PLGRKT: variants seen among roughly 807,000 people sequenced by gnomAD.
The protein encoded by PLGRKT is plasminogen receptor (KT).
A neutral mutation model predicts 18.5 loss-of-function variants in PLGRKT; 22 were observed. The observed-to-expected ratio is 1.19, with a 90% confidence interval of 0.85 to 1.70. PLGRKT has a LOEUF of 1.70. Among genes scored for constraint, PLGRKT ranks in the 40% most tolerant of loss-of-function variants. The pLI is 0.00. For missense variants in PLGRKT, 235 were observed against 174.4 expected, an observed-to-expected ratio of 1.35 and a Z score of -1.96; for synonymous variants, 72 against 52.8, an observed-to-expected ratio of 1.36 and a Z score of -1.58.
chr9:5,438,309 C>T (rs1819002396), upstream of PLGRKT, among the ~76,000 whole-genome samples: 1 of 152,152 alleles, frequency 6.6e-6, no homozygotes, highest in Admixed American at 6.5e-5. Flanking sequence ...TTGAATAAGC[C>T]ACGTCTCTCT....
intron 3 of PLGRKT, among the ~76,000 whole-genome samples, chr9:5,412,851 G>T (rs1158335051): frequency 6.6e-6 from 1 of 151,808 alleles, no homozygotes; most frequent in Admixed American, 6.6e-5. Flanking sequence ...AAAATATTAG[G>T]AAGATATATC....
At chr9:5,375,555 G>T (rs1817611879) in intron 3 of PLGRKT, among the ~76,000 whole-genome samples, 1 of 152,120 alleles carries the variant, frequency 6.6e-6, no homozygotes, top group African/African-American at 2.4e-5. Flanking sequence ...GAGAGGCAAA[G>T]ATGTTTTCAA....
intron 3 of PLGRKT, among the ~76,000 whole-genome samples, chr9:5,427,467 TAAG>T (rs545631434): frequency 1.0e-3 from 155 of 152,362 alleles, no homozygotes; most frequent in African/African-American, 3.5e-3. Context: ...TACGATATTT[TAAG>T]AAGGAGAGAA....
intron 3 of PLGRKT, among the ~76,000 whole-genome samples, chr9:5,404,034 T>G (rs112676637): frequency 1.3e-5 from 2 of 152,074 alleles, no homozygotes; most frequent in African/African-American, 4.8e-5. Flanking sequence ...CTAGAAGAAA[T>G]GGGTACATTC....
At chr9:5,387,173 T>C (rs148942135) in intron 3 of PLGRKT, among the ~76,000 whole-genome samples, 1 of 151,986 alleles carries the variant, frequency 6.6e-6, no homozygotes, top group Non-Finnish European at 1.5e-5. Flanking sequence ...AAATGGACCA[T>C]ATTAGAGTAC....
intron 3 of PLGRKT, among the ~76,000 whole-genome samples, chr9:5,384,912 T>C (rs1218837139): frequency 6.6e-6 from 1 of 152,162 alleles, no homozygotes; most frequent in Non-Finnish European, 1.5e-5. Flanking sequence ...ATAATAATTT[T>C]GATATGTGAA....
intron 3 of PLGRKT, among the ~76,000 whole-genome samples, chr9:5,400,716 A>AGGCT (rs1818138327): frequency 6.6e-6 from 1 of 152,018 alleles, no homozygotes; most frequent in Admixed American, 6.5e-5. Flanking sequence ...AATAGTACAG[A>AGGCT]GGCTGGCATA....
At chr9:5,361,423 G>A (rs532351754) in intron 4 of PLGRKT, among the ~76,000 whole-genome samples, 1 of 152,246 alleles carries the variant, frequency 6.6e-6, no homozygotes, top group South Asian at 2.1e-4. Flanking sequence ...TGACTCTGAA[G>A]CTCAGGTTCC....
intron 3 of PLGRKT, among the ~76,000 whole-genome samples, chr9:5,377,519 T>C (rs1325260235): frequency 6.6e-6 from 1 of 152,184 alleles, no homozygotes; most frequent in Admixed American, 6.5e-5. Flanking sequence ...AAAGAATATC[T>C]CCATAATGGT....
chr9:5,392,378 T>C (rs2131112109), intron 3 of PLGRKT: 1 of 152,088 alleles, frequency 6.6e-6, no homozygotes, highest in Middle Eastern at 3.4e-3. Context: ...TTTAATTGTG[T>C]CTTAAAACTT....
chr9:5,433,681 G>A (rs10975115), intron 2 of PLGRKT, among the ~76,000 whole-genome samples: 46,080 of 102,302 alleles, frequency 0.45, 11,554 homozygotes, highest in Non-Finnish European at 0.59. Context: ...GCCTCTGCCC[G>A]GCTGCCCCGT....
chr9:5,375,733 C>A (rs182592611), intron 3 of PLGRKT, among the ~76,000 whole-genome samples: 4 of 152,116 alleles, frequency 2.6e-5, no homozygotes, highest in African/African-American at 9.7e-5. Context: ...AAACCAGAAC[C>A]CTTTTGCATT....
chr9:5,417,075 C>CAA (rs1818476208), intron 3 of PLGRKT, among the ~76,000 whole-genome samples: 2 of 152,140 alleles, frequency 1.3e-5, no homozygotes, highest in African/African-American at 4.8e-5. Flanking sequence ...CTTACTGTAA[C>CAA]TAAGCTAACT....
At chr9:5,416,244 CT>C (rs1219436836) in intron 3 of PLGRKT, among the ~76,000 whole-genome samples, 3 of 151,936 alleles carry the variant, frequency 2.0e-5, no homozygotes, top group Non-Finnish European at 4.4e-5. Flanking sequence ...TCTATGGGGG[CT>C]TTTTTCTCTC....
At chr9:5,399,425 T>C (rs1336471157) in intron 3 of PLGRKT, among the ~76,000 whole-genome samples, 2 of 151,894 alleles carry the variant, frequency 1.3e-5, no homozygotes, top group African/African-American at 2.4e-5. Context: ...TCTTCCCTTT[T>C]ATATGCTCAA....
chr9:5,420,515 C>A (rs907368945), intron 3 of PLGRKT, among the ~76,000 whole-genome samples: 2 of 152,058 alleles, frequency 1.3e-5, no homozygotes, highest in Non-Finnish European at 2.9e-5. Context: ...CAGAAATGAG[C>A]CCCAGAACGA....
intron 3 of PLGRKT, among the ~76,000 whole-genome samples, chr9:5,400,468 T>A (rs1434668205): frequency 3.9e-5 from 6 of 151,920 alleles, no homozygotes; most frequent in African/African-American, 7.3e-5. Flanking sequence ...CCTAACCTGA[T>A]GGTCCCTGTA....
rs569043929 is a variant in PLGRKT at position 5,437,801 on chromosome 9, G to C, written c.-145C>G. On this transcript the variant is annotated 5_prime_UTR_variant, in exon 1 of 6. Transcript: ENST00000223864. ...GGTGTTCACTCACTGGGCGGCGCTG[G>C]TGCCGGGACCAGGCGACCGGTACGC... The C allele has an allele frequency of 2.0e-5, 3 of 152,420 alleles. No individual in the cohort carries two copies. Among genetic ancestry groups the C allele is most frequent in the East Asian group, 3.9e-4 (2 of 5,192 alleles). The allele number at this position is 152,420 out of a possible 1,614,324, so 9.4% of individuals were successfully genotyped here. A position where few individuals can be genotyped will look rare whatever the true frequency, so the allele number is the denominator to read the frequency against.
intron 3 of PLGRKT, among the ~76,000 whole-genome samples, chr9:5,384,066 G>C (rs958779715): frequency 3.3e-5 from 5 of 152,222 alleles, no homozygotes; most frequent in Non-Finnish European, 7.3e-5. Context: ...GGCTCCAAAA[G>C]GCAGTGAGAT....
Sources: gnomAD v4.1 joint callset for allele counts (sites outside exome capture counted in the v4.1 genomes callset) on GRCh38, gnomAD v4.1.1 for gene constraint, MANE v1.5 for transcripts, NCBI Gene and HGNC (gene_info 2026-07-23, HGNC 2026-07-21) for gene names.